PSMD12: variants seen among roughly 807,000 people sequenced by gnomAD.
PSMD12 encodes proteasome 26S subunit, non-ATPase 12.
In PSMD12, 8 loss-of-function variants were observed where a neutral mutation model predicts 62.9. The ratio of observed to expected loss-of-function variants is 0.13; its 90% confidence interval spans 0.07 to 0.23. PSMD12 has a LOEUF of 0.23. Among genes scored for constraint, PSMD12 ranks in the 10% least tolerant of loss-of-function variants. The pLI, the probability that PSMD12 is intolerant of heterozygous loss-of-function variation, is 1.00. For synonymous variants in PSMD12, 173 were observed against 187.4 expected (o/e 0.92, Z 0.63); for missense variants, 424 against 550.2 (o/e 0.77, Z 2.29).
Position 67,357,290 on chromosome 17 carries a change from A to C in PSMD12, c.297+13T>G, listed in dbSNP as rs1274907574. On this transcript the variant is annotated intron_variant, in intron 3 of 10. Coordinates refer to ENST00000356126, the MANE Select transcript of PSMD12 (RefSeq NM_002816.5). ...TGCTTTTGTGTTTGGAGCAGACATG[A>C]TCATGAACTCACTTGTTTTAACTGA... 6.2e-7 allele frequency: 1 copy of C among 1,608,786 alleles called. No individual in the cohort carries two copies.
intron 3 of PSMD12, among the ~76,000 whole-genome samples, chr17:67,352,881 T>A (rs1255582384): frequency 1.3e-5 from 2 of 152,258 alleles, no homozygotes; most frequent in Non-Finnish European, 2.9e-5. Flanking sequence ...CAACCCTTAT[T>A]ATACTTCACA....
rs967721988 is a variant in PSMD12, at chr17:67,340,066, A to T, written c.*777T>A. On this transcript the variant is annotated 3_prime_UTR_variant, in exon 11 of 11. Coordinates refer to ENST00000356126, the MANE Select transcript of PSMD12 (RefSeq NM_002816.5). ...CTTTATGTTAAATTTAAACCCATATAAAGAAAGGGGAGAGGAAGAAGAGCA... is the reference window on the plus strand; with the variant it reads ...CTTTATGTTAAATTTAAACCCATATTAAGAAAGGGGAGAGGAAGAAGAGCA... 3.4e-5 allele frequency: 5 copies of T among 148,772 alleles called. No homozygotes were observed. The highest frequency in any genetic ancestry group is 1.2e-4 in the African/African-American group (5 of 40,658). The allele number at this position is 148,772 out of a possible 1,614,324, so 9.2% of individuals were successfully genotyped here.
Position 67,351,874 on chromosome 17 carries a change from G to A in PSMD12, c.298-1538C>T, listed in dbSNP as rs560122759. Among the ~76,000 whole-genome samples the A allele has an allele frequency of 2.9e-4, 44 of 151,588 alleles. No homozygotes were observed. In the East Asian group the frequency reaches 3.3e-3, roughly 11 times the overall value. On this transcript the variant is annotated intron_variant, in intron 3 of 10. Transcript: ENST00000356126. Reference sequence around the variant, plus strand: ...CAGACTTTGGGAGGCTGAGGCCGGCGGATCACGAGGTCAAGAGATCGAGAC... The same window carrying A: ...CAGACTTTGGGAGGCTGAGGCCGGCAGATCACGAGGTCAAGAGATCGAGAC...
chr17:67,347,089 A>G, intron 7 of PSMD12, 27 bp downstream of exon 7: 1 of 1,561,038 alleles, frequency 6.4e-7, no homozygotes, highest in Non-Finnish European at 8.7e-7. Context: ...ATAAGAAGCC[A>G]TGTCAATTAC....
At chr17:67,345,217 A>T (rs1255389468) in intron 8 of PSMD12, among the ~76,000 whole-genome samples, 1 of 152,242 alleles carries the variant, frequency 6.6e-6, no homozygotes, top group African/African-American at 2.4e-5. Flanking sequence ...TGAAACTTCC[A>T]CTTGATAAGC....
intron 9 of PSMD12, among the ~76,000 whole-genome samples, chr17:67,343,771 T>C (rs373860061): frequency 1.6e-3 from 249 of 152,328 alleles, no homozygotes; most frequent in African/African-American, 5.7e-3. Context: ...TGGTGTGATC[T>C]CCGTTCACTG....
chr17:67,357,680 C>A, intron 1 of PSMD12, 102 bp from the exon 2 acceptor site: 1 of 1,187,516 alleles, frequency 8.4e-7, no homozygotes. Flanking sequence ...AATCAACAGC[C>A]TCTTCTAGAG....
intron 3 of PSMD12, among the ~76,000 whole-genome samples, chr17:67,356,557 CAAAAAAAA>C (rs35353017): frequency 6.7e-4 from 10 of 14,988 alleles, no homozygotes; most frequent in South Asian, 5.3e-3. Context: ...GACTCCGTCT[CAAAAAAAA>C]AAAAAAAAAA....
intron 3 of PSMD12, among the ~76,000 whole-genome samples, chr17:67,352,744 AT>A (rs1320315780): frequency 6.6e-6 from 1 of 152,206 alleles, no homozygotes; most frequent in African/African-American, 2.4e-5. Flanking sequence ...CTGAGTAGTG[AT>A]GAAATCAAAT....
At chr17:67,362,595 G>T (rs748701398) in intron 1 of PSMD12, among the ~76,000 whole-genome samples, 1 of 150,454 alleles carries the variant, frequency 6.6e-6, no homozygotes, top group African/African-American at 2.5e-5. Context: ...CCGGGAGATG[G>T]AGGTTGCAGT....
chr17:67,347,005 C>G, intron 7 of PSMD12, 111 bp downstream of exon 7: 1 of 1,154,836 alleles, frequency 8.7e-7, no homozygotes, highest in Non-Finnish European at 1.2e-6. Flanking sequence ...GAATAGAAAG[C>G]AGCACCATAC....
Position 67,366,547 on chromosome 17 carries a change from C to T in PSMD12, c.-28G>A, listed in dbSNP as rs1647114018. The T allele has an allele frequency of 7.6e-6, 12 of 1,574,636 alleles. No individual in the cohort carries two copies. Among genetic ancestry groups the T allele is most frequent in the Non-Finnish European group, 9.5e-6 (11 of 1,160,990 alleles). On this transcript the variant is annotated 5_prime_UTR_variant, in exon 1 of 11. Transcript: ENST00000356126. ...TCCCCGCCTGAGCGTCCCTTGCTGT[C>T]CCCCTGCTTCGGCCACCACTCGTCA...
chr17:67,356,583 A>AAAAAAAAAAAAAG (rs1567958899), intron 3 of PSMD12, among the ~76,000 whole-genome samples: 1 of 147,098 alleles, frequency 6.8e-6, no homozygotes, highest in Non-Finnish European at 1.5e-5. Context: ...AAAAAAAAAA[A>AAAAAAAAAAAAAG]AAAGAAAATG....
chr17:67,341,110 A>ATTT (rs759514969), intron 10 of PSMD12, 58 bp from the exon 11 acceptor site: 72 of 1,343,740 alleles, frequency 5.4e-5, no homozygotes, highest in Non-Finnish European at 6.4e-5. Flanking sequence ...CAATAAACAA[A>ATTT]ACTTCAGAAA....
At chr17:67,351,133 T>C (rs750264309) in intron 3 of PSMD12, among the ~76,000 whole-genome samples, 19 of 152,150 alleles carry the variant, frequency 1.2e-4, no homozygotes, top group Non-Finnish European at 2.2e-4. Context: ...GGCTCACACC[T>C]GTAATCCCAG....
chr17:67,351,210 TGAAACCCC>T (rs2042013645), intron 3 of PSMD12, among the ~76,000 whole-genome samples: 2 of 151,748 alleles, frequency 1.3e-5, no homozygotes, highest in Non-Finnish European at 2.9e-5. Context: ...GCTAACATGG[TGAAACCCC>T]GTCTCTACTA....
Position 67,338,179 on chromosome 17 carries a change from T to C in PSMD12, c.*2664A>G, listed in dbSNP as rs2041876785. The C allele has an allele frequency of 6.6e-6, 1 of 152,216 alleles. No individual in the cohort carries two copies. Among genetic ancestry groups the C allele is most frequent in the South Asian group, 2.1e-4 (1 of 4,830 alleles). The allele number at this position is 152,216 out of a possible 1,614,324, so 9.4% of individuals were successfully genotyped here. ...TTATATGGAAATAAAAGGTATTTCA[T>C]TTGAAAAATGGCTCATCACCTCTCC... On this transcript the variant is annotated 3_prime_UTR_variant, in exon 11 of 11. Transcript: ENST00000356126.
At chr17:67,361,895 AAAAAAAAAAAAAAAGG>A (rs2042132099) in intron 1 of PSMD12, among the ~76,000 whole-genome samples, 3 of 134,606 alleles carry the variant, frequency 2.2e-5, no homozygotes, top group Admixed American at 7.7e-5. Context: ...AAAAAAAAAA[AAAAAAAAAAAAAAAGG>A]AAGGAAGGAA....
rs190627525 is a variant in PSMD12, at chr17:67,348,071, C to A, written c.510+479G>T. On this transcript the variant is annotated intron_variant, in intron 5 of 10. Transcript: ENST00000356126. ...TATCTTTTTACTATCACAAATAAAGCTATTCTGAACAGGTTTTGTAGACTG... is the reference window on the plus strand; with the variant it reads ...TATCTTTTTACTATCACAAATAAAGATATTCTGAACAGGTTTTGTAGACTG... Among the ~76,000 whole-genome samples, 33 of 152,278 alleles carry A rather than the reference C, an allele frequency of 2.2e-4. No homozygotes were observed. The East Asian group carries it at 6.4e-3, about 29-fold the overall frequency.
Sources: gnomAD v4.1 joint callset for allele counts (sites outside exome capture counted in the v4.1 genomes callset) on GRCh38, gnomAD v4.1.1 for gene constraint, MANE v1.5 for transcripts, NCBI Gene and HGNC (gene_info 2026-07-23, HGNC 2026-07-21) for gene names.